ZFP2: variants seen among roughly 807,000 people sequenced by gnomAD.
The protein encoded by ZFP2 is ZFP2 zinc finger protein.
A neutral mutation model predicts 36.1 loss-of-function variants in ZFP2; 33 were observed. That is an observed-to-expected ratio of 0.92 (90% CI 0.69 to 1.22). The LOEUF (loss-of-function observed/expected upper bound fraction) is 1.22. Ranked by LOEUF, ZFP2 falls within the 50% of genes most tolerant of loss-of-function variation. The pLI, the probability that ZFP2 is intolerant of heterozygous loss-of-function variation, is 0.00. For synonymous variants in ZFP2, 170 were observed against 178.0 expected, an observed-to-expected ratio of 0.96 and a Z score of 0.36; for missense variants, 522 against 551.4, an observed-to-expected ratio of 0.95 and a Z score of 0.53.
rs376015846 is a variant in ZFP2 at position 178,932,677 on chromosome 5, G to A, written c.1364G>A (p.Arg455Gln). The A allele has an allele frequency of 3.0e-5, 48 of 1,603,042 alleles. No homozygotes were observed. Among genetic ancestry groups the A allele is most frequent in the South Asian group, 5.6e-5 (5 of 89,278 alleles). ...KAFSRSTNLT[R>Q]HQRTHT ...TTCAGCCGGAGTACAAACCTTACACGACATCAAAGAACTCATACGTGAGGA... is the reference window on the plus strand; with the variant it reads ...TTCAGCCGGAGTACAAACCTTACACAACATCAAAGAACTCATACGTGAGGA... Residue 455 changes from arginine (R) to glutamine (Q), a missense_variant, in exon 5 of 5, where the codon CGA becomes CAA. By Grantham distance (43) the Arg-to-Gln change is conservative. Coordinates refer to ENST00000361362, the MANE Select transcript of ZFP2 (RefSeq NM_030613.4).
chr5:178,933,144 A>T lies in ZFP2; in HGVS notation c.*445A>T, dbSNP rs983934162. On this transcript the variant is annotated 3_prime_UTR_variant, in exon 5 of 5. Coordinates refer to ENST00000361362, the MANE Select transcript of ZFP2 (RefSeq NM_030613.4). Reference sequence around the variant, plus strand: ...TTGGTAAATGAATGATTTTGGAGTTAGAAATCTTGTAGGAGCTCTGTTAGC... The same window carrying T: ...TTGGTAAATGAATGATTTTGGAGTTTGAAATCTTGTAGGAGCTCTGTTAGC... 1.7e-5 allele frequency: 3 copies of T among 171,440 alleles called. No homozygotes were observed. Among genetic ancestry groups the T allele is most frequent in the African/African-American group, 7.2e-5 (3 of 41,508 alleles). The allele number at this position is 171,440 out of a possible 1,614,324, so 10.6% of individuals were successfully genotyped here.
chr5:178,914,849 G>C (rs1758384461), intron 3 of ZFP2, among the ~76,000 whole-genome samples: 1 of 152,178 alleles, frequency 6.6e-6, no homozygotes, highest in Admixed American at 6.5e-5. Flanking sequence ...CCACATGGGA[G>C]AACATTGAGG....
Position 178,898,205 on chromosome 5 carries a change from C to T in ZFP2, c.-450+2231C>T, listed in dbSNP as rs372685223. ...TTTGCCATTTTGGCCAGGCTGGTCTCGAACTCCTGGCCTCAAGTGGTCCAC... is the reference window on the plus strand; with the variant it reads ...TTTGCCATTTTGGCCAGGCTGGTCTTGAACTCCTGGCCTCAAGTGGTCCAC... On this transcript the variant is annotated intron_variant, in intron 1 of 4. Coordinates refer to ENST00000361362, the MANE Select transcript of ZFP2 (RefSeq NM_030613.4). Among the ~76,000 whole-genome samples, 914 of 152,266 alleles carry T rather than the reference C, an allele frequency of 6.0e-3. 3 individuals carry two copies. Among genetic ancestry groups the T allele is most frequent in the Non-Finnish European group, 0.01 (695 of 68,020 alleles).
In ZFP2 at chr5:178,931,233, TCAGA is replaced by T; in HGVS notation, c.-77-2_-76del. ...TGTGCATTTGAATTTTTTTTTTTTT[TCAGA>T]CTGGGAGACAAGACTTGAAACCAAA... is the stretch of plus-strand genomic sequence containing the variant. On this transcript the variant is annotated splice_acceptor_variant and splice_polypyrimidine_tract_variant and 5_prime_UTR_variant and intron_variant, in exon 5 of 5. Transcript: ENST00000361362. LOFTEE classifies it low-confidence loss of function (5UTR_SPLICE). 1 of 1,498,606 alleles carries T rather than the reference TCAGA, an allele frequency of 6.7e-7. No individual in the cohort carries two copies. The highest frequency in any genetic ancestry group is 8.9e-7 in the Non-Finnish European group (1 of 1,128,042). 92.8% of individuals were successfully genotyped at this position (1,498,606 alleles called of 1,614,324 possible).
At chr5:178,924,402 G>C (rs1312871556) in intron 4 of ZFP2, among the ~76,000 whole-genome samples, 1 of 147,290 alleles carries the variant, frequency 6.8e-6, no homozygotes, top group Non-Finnish European at 1.5e-5. Context: ...ACCTGCCCAA[G>C]GTCACACAGC....
In ZFP2 at chr5:178,930,314, C is replaced by CTTTTTTT. The variant is rs990713790; in HGVS notation, c.-77-905_-77-899dup. On this transcript the variant is annotated intron_variant, in intron 4 of 4. Transcript: ENST00000361362. ...ATTTCTTTCTTTTTTTTTCCCTTTC[C>CTTTTTTT]TTTTTTTTTTTTTTTTTTTTTTTTG... Among the ~76,000 whole-genome samples, 75 of 71,370 alleles carry CTTTTTTT rather than the reference C, an allele frequency of 1.1e-3. 1 individual carries two copies. Among genetic ancestry groups the CTTTTTTT allele is most frequent in the East Asian group, 1.8e-3 (4 of 2,186 alleles). 46.8% of individuals were successfully genotyped at this position (71,370 alleles called of 152,430 possible).
intron 1 of ZFP2, among the ~76,000 whole-genome samples, chr5:178,899,630 G>C (rs1309678073): frequency 6.6e-6 from 1 of 152,130 alleles, no homozygotes. Context: ...GAGGAATTTT[G>C]ATAAGGGAGT....
rs1758861091 is a variant in ZFP2, at chr5:178,932,090, A to G, written c.777A>G (p.Val259=). 1.2e-6 allele frequency: 2 copies of G among 1,614,108 alleles called. No homozygotes were observed. The highest frequency in any genetic ancestry group is 1.7e-6 in the Non-Finnish European group (2 of 1,180,018). ...KAFSQSMHLI[V]HQRSHTGEKP... is the part of the protein sequence containing the mutation. ...TCAGTCAAAGCATGCATCTTATTGT[A>G]CATCAGAGAAGCCATACTGGAGAAA... Residue 259 remains valine, a synonymous_variant, in exon 5 of 5, where the codon GTA becomes GTG. Coordinates refer to ENST00000361362, the MANE Select transcript of ZFP2 (RefSeq NM_030613.4).
At chr5:178,931,190 T>A in intron 4 of ZFP2, 47 bp from the exon 5 acceptor site, 1 of 1,476,052 alleles carries the variant, frequency 6.8e-7, no homozygotes, top group South Asian at 1.5e-5. Flanking sequence ...GTTTCCAGTC[T>A]CCTAGCACAG....
intron 1 of ZFP2, among the ~76,000 whole-genome samples, chr5:178,903,497 T>C (rs1271862141): frequency 6.6e-6 from 1 of 152,230 alleles, no homozygotes; most frequent in Non-Finnish European, 1.5e-5. Flanking sequence ...CATTTTTATA[T>C]TGAGTTATTT....
chr5:178,922,398 C>T, intron 4 of ZFP2: 1 of 1,278,632 alleles, frequency 7.8e-7, no homozygotes, highest in Non-Finnish European at 1.1e-6. Context: ...GCATTGGAAA[C>T]ATTTTTATTT....
Position 178,913,047 on chromosome 5 carries a change from G to T in ZFP2, c.-248G>T. The T allele has an allele frequency of 1.0e-6, 1 of 985,876 alleles. No individual in the cohort carries two copies. The highest frequency in any genetic ancestry group is 1.2e-6 in the Non-Finnish European group (1 of 829,966). 61.1% of individuals were successfully genotyped at this position (985,876 alleles called of 1,614,324 possible). A position where few individuals can be genotyped will look rare whatever the true frequency, so the allele number is the denominator to read the frequency against. ...ACGAGAACTGAGTCTGATGCAAAAA[G>T]AACCGCCTGAGGGTGGCTTTCGAGG... On this transcript the variant is annotated 5_prime_UTR_variant, in exon 3 of 5. An upstream open reading frame in the 5' UTR gains an earlier in-frame stop. Transcript: ENST00000361362.
intron 1 of ZFP2, among the ~76,000 whole-genome samples, chr5:178,898,175 A>T (rs968098839): frequency 1.3e-5 from 2 of 152,100 alleles, no homozygotes; most frequent in Non-Finnish European, 2.9e-5. Flanking sequence ...TGGTAGAGAC[A>T]GGATTTTGCC....
chr5:178,910,671 A>G, intron 1 of ZFP2: 1 of 357,122 alleles, frequency 2.8e-6, no homozygotes, highest in East Asian at 6.7e-5. Flanking sequence ...CCGCTGGCCC[A>G]TGCACCTCAA....
At chr5:178,927,355 G>GT (rs1185423895) in intron 4 of ZFP2, among the ~76,000 whole-genome samples, 3 of 152,150 alleles carry the variant, frequency 2.0e-5, no homozygotes, top group East Asian at 1.9e-4. Context: ...TCCTTTAAGA[G>GT]TTTAAGTTTC....
intron 4 of ZFP2, among the ~76,000 whole-genome samples, chr5:178,930,860 G>A (rs992439011): frequency 8.5e-5 from 13 of 152,204 alleles, no homozygotes; most frequent in African/African-American, 3.1e-4. Flanking sequence ...CAGTGTGCAG[G>A]GTTTCCTGAT....
chr5:178,900,620 CACCCCAGCCAGACAG>C (rs2113046380), intron 1 of ZFP2, among the ~76,000 whole-genome samples: 1 of 52,790 alleles, frequency 1.9e-5, no homozygotes. Context: ...CCACGTCCCC[CACCCCAGCCAGACAG>C]TGTCCTCGTG....
At chr5:178,897,955 TA>T (rs1310532586) in intron 1 of ZFP2, among the ~76,000 whole-genome samples, 4 of 152,216 alleles carry the variant, frequency 2.6e-5, no homozygotes, top group African/African-American at 9.6e-5. Context: ...TTAGTTGTTG[TA>T]ACACACAACT....
intron 4 of ZFP2, among the ~76,000 whole-genome samples, chr5:178,927,615 G>A (rs979192901): frequency 3.3e-5 from 5 of 150,518 alleles, no homozygotes; most frequent in Admixed American, 3.3e-4. Flanking sequence ...TCCTGCCTCA[G>A]CCTCCTCAGT....
Sources: allele counts gnomAD v4.1 joint callset (sites outside exome capture counted in the v4.1 genomes callset), GRCh38; gene constraint gnomAD v4.1.1; transcripts MANE v1.5; gene names NCBI Gene and HGNC (gene_info 2026-07-23, HGNC 2026-07-21).